Variants in TTC28 observed in about 807,000 individuals in gnomAD.
The protein encoded by TTC28 is tetratricopeptide repeat protein 28.
A neutral mutation model predicts 198.0 loss-of-function variants in TTC28; 61 were observed. The ratio of observed to expected loss-of-function variants is 0.31; its 90% CI spans 0.25 to 0.38. TTC28 has a LOEUF of 0.38. TTC28 is among the 10% of genes least tolerant of loss of function. TTC28 has a pLI of 1.00. For synonymous variants in TTC28, 1,171 were observed against 1,297.8 expected (o/e 0.90, Z 2.10); for missense variants, 2,678 against 3,164.0 (o/e 0.85, Z 3.69).
intron 2 of TTC28, among the ~76,000 whole-genome samples, chr22:28,620,875 T>C (rs954069023): frequency 1.3e-5 from 2 of 152,184 alleles, no homozygotes; most frequent in Non-Finnish European, 2.9e-5. Flanking sequence ...CTCATTCCTC[T>C]CCTCAAAAGA....
intron 3 of TTC28, among the ~76,000 whole-genome samples, chr22:28,298,270 G>A (rs1398876512): frequency 6.6e-6 from 1 of 152,130 alleles, no homozygotes; most frequent in Non-Finnish European, 1.5e-5. Context: ...TAATGGTATT[G>A]CACAGTTTGG....
At chr22:28,028,964 C>T (rs1318508188) in intron 13 of TTC28, 4 of 470,850 alleles carry the variant, frequency 8.5e-6, no homozygotes, top group Non-Finnish European at 1.8e-5. Flanking sequence ...AGGCCAGAGG[C>T]TGCACTCTGA....
At chr22:28,225,379 AG>A (rs1347854421) in intron 5 of TTC28, among the ~76,000 whole-genome samples, 31 of 150,816 alleles carry the variant, frequency 2.1e-4, no homozygotes, top group Admixed American at 1.6e-3. Flanking sequence ...AAGAAGAAGA[AG>A]AAGAAGAAGA....
intron 18 of TTC28, 160 bp from the exon 19 acceptor site, chr22:27,992,823 G>A: frequency 2.8e-6 from 2 of 707,620 alleles, no homozygotes; most frequent in South Asian, 3.8e-5. Context: ...CTTGGAAAAG[G>A]ACAGCGTGGT....
chr22:28,621,798 A>G (rs565251644), intron 2 of TTC28, among the ~76,000 whole-genome samples: 1 of 151,662 alleles, frequency 6.6e-6, no homozygotes, highest in East Asian at 1.9e-4. Context: ...AAAGAGTATG[A>G]AGGAATTATT....
intron 13 of TTC28, 61 bp downstream of exon 13, chr22:28,030,165 A>G: frequency 1.3e-6 from 2 of 1,535,678 alleles, no homozygotes; most frequent in Non-Finnish European, 8.8e-7. Flanking sequence ...CTGAAAGCAT[A>G]TTATCTGTGC....
chr22:28,030,932 G>A (rs774643027), intron 12 of TTC28, among the ~76,000 whole-genome samples: 17 of 152,220 alleles, frequency 1.1e-4, no homozygotes, highest in African/African-American at 1.9e-4. Context: ...GGCAGGCACC[G>A]CTGGAAACGC....
chr22:28,648,086 T>C (rs1182076304), intron 1 of TTC28, among the ~76,000 whole-genome samples: 1 of 151,302 alleles, frequency 6.6e-6, no homozygotes, highest in African/African-American at 2.4e-5. Flanking sequence ...TAGACGGGCA[T>C]GGTAGTGGGC....
At chr22:28,302,039 A>AAATAAT (rs10656307) in intron 3 of TTC28, among the ~76,000 whole-genome samples, 2,069 of 145,566 alleles carry the variant, frequency 0.014, 20 homozygotes, top group East Asian at 0.041. Flanking sequence ...TCCTGTCTCA[A>AAATAAT]AATAATAATA....
At chr22:28,432,261 G>T (rs2047443076) in intron 2 of TTC28, among the ~76,000 whole-genome samples, 1 of 151,314 alleles carries the variant, frequency 6.6e-6, no homozygotes, top group Non-Finnish European at 1.5e-5. Context: ...ACTCCAGCCT[G>T]GGTGACAGAG....
At chr22:28,197,705 G>A (rs140920332) in intron 5 of TTC28, among the ~76,000 whole-genome samples, 13 of 152,076 alleles carry the variant, frequency 8.5e-5, no homozygotes, top group African/African-American at 3.1e-4. Flanking sequence ...AATAAGGACT[G>A]GGAGCAAGAA....
chr22:28,145,514 G>C (rs1394672618), intron 6 of TTC28, among the ~76,000 whole-genome samples: 1 of 152,062 alleles, frequency 6.6e-6, no homozygotes, highest in Non-Finnish European at 1.5e-5. Flanking sequence ...GTTTCTCCTG[G>C]TCAGCGTTTT....
chr22:28,348,232 A>T (rs758840338), intron 2 of TTC28, among the ~76,000 whole-genome samples: 6 of 152,202 alleles, frequency 3.9e-5, no homozygotes, highest in Non-Finnish European at 7.3e-5. Flanking sequence ...GTGGTCTAAA[A>T]ATAGGAGATG....
At chr22:28,451,522 T>C (rs2047777782) in intron 2 of TTC28, among the ~76,000 whole-genome samples, 1 of 152,194 alleles carries the variant, frequency 6.6e-6, no homozygotes, top group Admixed American at 6.5e-5. Flanking sequence ...GAACTGCAAC[T>C]TTAAGGAGAA....
chr22:28,462,472 C>T (rs1356370183), intron 2 of TTC28, among the ~76,000 whole-genome samples: 1 of 152,174 alleles, frequency 6.6e-6, no homozygotes, highest in Non-Finnish European at 1.5e-5. Flanking sequence ...AGAACTAAAC[C>T]TTTGTTCATT....
Position 28,248,208 on chromosome 22 carries a change from T to C in TTC28, c.933+47990A>G, listed in dbSNP as rs760568772. Among the ~76,000 whole-genome samples the C allele has an allele frequency of 2.6e-5, 4 of 152,146 alleles. 1 individual carries two copies. The highest frequency in any genetic ancestry group is 5.9e-5 in the Non-Finnish European group (4 of 68,016). ...ACAGCATGTGTTCTTGTATTTGTAT[T>C]CACTGAACACACCACATGTGGTGCC... On this transcript the variant is annotated intron_variant, in intron 5 of 22. Transcript: ENST00000397906.
intron 12 of TTC28, among the ~76,000 whole-genome samples, chr22:28,048,094 C>A (rs1003725855): frequency 2.0e-5 from 3 of 151,164 alleles, no homozygotes; most frequent in African/African-American, 7.3e-5. Context: ...TTTTTTTCTG[C>A]TTGGGTAAGG....
intron 21 of TTC28, among the ~76,000 whole-genome samples, chr22:27,989,020 G>T (rs1472222599): frequency 1.3e-5 from 2 of 152,214 alleles, no homozygotes; most frequent in Non-Finnish European, 2.9e-5. Flanking sequence ...ACACATAACA[G>T]GTGTTCAAAA....
chr22:28,431,876 G>T (rs573053682), intron 2 of TTC28, among the ~76,000 whole-genome samples: 1 of 152,044 alleles, frequency 6.6e-6, no homozygotes, highest in Admixed American at 6.6e-5. Context: ...TACTTGGGAG[G>T]CTGAGGCAGG....
Sources: allele counts gnomAD v4.1 joint callset (sites outside exome capture counted in the v4.1 genomes callset), GRCh38; gene constraint gnomAD v4.1.1; transcripts MANE v1.5; gene names NCBI Gene and HGNC (gene_info 2026-07-23, HGNC 2026-07-21).